AKAP13: variants seen among roughly 807,000 people sequenced by gnomAD.
AKAP13 encodes the protein A-kinase anchor protein 13.
A neutral mutation model predicts 264.5 loss-of-function variants in AKAP13; 80 were observed. The ratio of observed to expected loss-of-function variants is 0.30; its 90% CI spans 0.25 to 0.36. The LOEUF (loss-of-function observed/expected upper bound fraction) is 0.36. Ranked by LOEUF, AKAP13 falls within the 10% of genes least tolerant of loss-of-function variation. The pLI, the probability that AKAP13 is intolerant of heterozygous loss-of-function variation, is 1.00. For missense variants in AKAP13, 3,712 were observed against 3,435.2 expected (o/e 1.08, Z -2.01); for synonymous variants, 1,380 against 1,250.2 (o/e 1.10, Z -2.19).
chr15:85,701,786 A>C, intron 17 of AKAP13, among the ~76,000 whole-genome samples: 1 of 147,626 alleles, frequency 6.8e-6, no homozygotes, highest in East Asian at 2.0e-4. Context: ...GCAAAAAGGA[A>C]TAGTTTAAGT....
In AKAP13 at chr15:85,581,300, A is replaced by G; in HGVS notation, c.3232A>G (p.Thr1078Ala). ...GAAGAACACTCAATCCCAGGGAAAA[A>G]CTAGTGCCTGTGAGGTGAGTGGAGA... is the stretch of plus-strand genomic sequence containing the variant. ...GVKNTQSQGK[T>A]SACEVSGDVT... Residue 1078 changes from threonine (T) to alanine (A), a missense_variant, in exon 7 of 37, where the codon ACT (threonine) becomes GCT (alanine). Physicochemically the swap from Thr to Ala is moderately conservative, Grantham distance 58 (BLOSUM62 0). Coordinates refer to ENST00000394518, the MANE Select transcript of AKAP13 (RefSeq NM_007200.5). 1 of 1,614,162 alleles carries G rather than the reference A, an allele frequency of 6.2e-7. No homozygotes were observed. The highest frequency in any genetic ancestry group is 8.5e-7 in the Non-Finnish European group (1 of 1,180,020).
chr15:85,638,055 A>T (rs1202074529), intron 8 of AKAP13, among the ~76,000 whole-genome samples: 1 of 147,326 alleles, frequency 6.8e-6, no homozygotes, highest in Admixed American at 6.8e-5. Context: ...ATTTTTTTGT[A>T]TTTTTTTTTT....
In AKAP13 at chr15:85,553,607, TA is replaced by T. The variant is rs200643028; in HGVS notation, c.662+9653del. ...TTATTGTACCATTTTATTCTTATAG[TA>T]CATATTTTATGCTTTAACTGGCCAA... On this transcript the variant is annotated intron_variant, in intron 5 of 36. Transcript: ENST00000394518. Among the ~76,000 whole-genome samples the T allele has an allele frequency of 4.8e-3, 729 of 152,338 alleles. 14 individuals carry two copies. Among genetic ancestry groups the T allele is most frequent in the Admixed American group, 0.01 (158 of 15,306 alleles).
intron 12 of AKAP13, chr15:85,662,574 T>C (rs989035181): frequency 1.8e-6 from 2 of 1,089,764 alleles, no homozygotes; most frequent in Non-Finnish European, 2.8e-6. Context: ...GCTTTGTCTG[T>C]GAGCACAGCA....
At chr15:85,582,224 G>A (rs1330406300) in intron 7 of AKAP13, 117 bp downstream of exon 7, 24 of 1,164,728 alleles carry the variant, frequency 2.1e-5, no homozygotes, top group Non-Finnish European at 2.3e-5. Context: ...GCACTCATTG[G>A]GTAGGTAGCC....
At chr15:85,389,675 C>T (rs1411688106) in intron 1 of AKAP13, 3 of 152,180 alleles carry the variant, frequency 2.0e-5, no homozygotes, top group East Asian at 1.9e-4. Context: ...TCAGCCATTG[C>T]TTTGTGGGAA....
chr15:85,559,180 C>T (rs2078262647), intron 5 of AKAP13, among the ~76,000 whole-genome samples: 1 of 152,146 alleles, frequency 6.6e-6, no homozygotes, highest in Admixed American at 6.5e-5. Flanking sequence ...TTCTCAGCCT[C>T]ACTAAGTGGC....
chr15:85,636,585 TTTA>T lies in AKAP13; in HGVS notation c.4162-2787_4162-2785del, dbSNP rs368057481. ...TTCTGTTCCTAGTGTTCTGAGAGTT[TTTA>T]TCATGAATAGATGTTGAATTTTGCT... On this transcript the variant is annotated intron_variant, in intron 8 of 36. Coordinates refer to ENST00000394518, the MANE Select transcript of AKAP13 (RefSeq NM_007200.5). Among the ~76,000 whole-genome samples, 88 of 152,024 alleles carry T rather than the reference TTTA, an allele frequency of 5.8e-4. 2 individuals carry two copies. In the East Asian group the frequency reaches 9.3e-3, roughly 16 times the overall value.
Position 85,454,161 on chromosome 15 carries a change from C to G in AKAP13, c.-11-31549C>G, listed in dbSNP as rs117672058. 4.5e-4 allele frequency among the ~76,000 whole-genome samples: 68 copies of G among 152,226 alleles called. 1 individual carries two copies. In the East Asian group the frequency reaches 0.01, roughly 23 times the overall value. On this transcript the variant is annotated intron_variant, in intron 1 of 36. Transcript: ENST00000394518. ...TCAGTCCCCTGGATTCAGCCTCTTT[C>G]CTAGGGGTATTTACAGGAGTCTAAC...
At chr15:85,510,028 C>T (rs2151117860) in intron 2 of AKAP13, among the ~76,000 whole-genome samples, 2 of 152,344 alleles carry the variant, frequency 1.3e-5, no homozygotes, top group South Asian at 2.1e-4. Context: ...GGAGGCCTCC[C>T]TGCCCTGCGT....
rs746701868 is a variant in AKAP13, at chr15:85,563,326, C to CCTGTTTTTTTTTTTTTTTTTTTTTT, written c.663-11805_663-11804insCTGTTTTTTTTTTTTTTTTTTTTTT. On this transcript the variant is annotated intron_variant, in intron 5 of 36. Coordinates refer to ENST00000394518, the MANE Select transcript of AKAP13 (RefSeq NM_007200.5). ...TTGTCCTTCATTTGAGTAGAATGTG[C>CCTGTTTTTTTTTTTTTTTTTTTTTT]TTGTTTTTTTTTTTTTTTTTTTTTT... Among the ~76,000 whole-genome samples, 2 of 83,320 alleles carry CCTGTTTTTTTTTTTTTTTTTTTTTT rather than the reference C, an allele frequency of 2.4e-5. 1 individual carries two copies. 54.7% of individuals were successfully genotyped at this position (83,320 alleles called of 152,430 possible).
At chr15:85,632,104 G>T (rs1000433115) in intron 8 of AKAP13, among the ~76,000 whole-genome samples, 1 of 152,032 alleles carries the variant, frequency 6.6e-6, no homozygotes, top group Non-Finnish European at 1.5e-5. Context: ...AAATTGTTCC[G>T]TACTTGCAAG....
chr15:85,385,630 C>T (rs535545774), intron 1 of AKAP13, among the ~76,000 whole-genome samples: 19 of 152,204 alleles, frequency 1.2e-4, no homozygotes, highest in African/African-American at 7.2e-5. Flanking sequence ...TGGAATCACA[C>T]GGAATGTAGC....
rs144341510 is a variant in AKAP13 at position 85,541,786 on chromosome 15, T to C, written c.479-1986T>C. ...TAGCCCAGTGCATGGTGCATAGCAC[T>C]ACATTGTTTTCTCCTAATCTGTTAT... On this transcript the variant is annotated intron_variant, in intron 4 of 36. Transcript: ENST00000394518. 1.3e-3 allele frequency among the ~76,000 whole-genome samples: 203 copies of C among 152,356 alleles called. 4 individuals carry two copies. The East Asian group carries it at 0.035, about 26-fold the overall frequency.
At chr15:85,495,771 G>A (rs1487269435) in intron 2 of AKAP13, among the ~76,000 whole-genome samples, 2 of 152,092 alleles carry the variant, frequency 1.3e-5, no homozygotes, top group African/African-American at 4.8e-5. Context: ...AACAGATCTG[G>A]TTGATTATGT....
chr15:85,578,038 T>G (rs900716711), intron 6 of AKAP13, among the ~76,000 whole-genome samples: 1 of 152,218 alleles, frequency 6.6e-6, no homozygotes, highest in Non-Finnish European at 1.5e-5. Context: ...ATCCCAGCAC[T>G]TTGGGAGACC....
chr15:85,624,407 G>C (rs1048719970), intron 8 of AKAP13: 1 of 152,226 alleles, frequency 6.6e-6, no homozygotes, highest in South Asian at 2.1e-4. Context: ...AGGAGGAATA[G>C]TCTGTCTCTA....
At chr15:85,705,793 T>TACAAAGTATTATACATA (rs2086208279) in intron 17 of AKAP13, among the ~76,000 whole-genome samples, 1 of 152,112 alleles carries the variant, frequency 6.6e-6, no homozygotes, top group African/African-American at 2.4e-5. Context: ...TTTGTTTCCC[T>TACAAAGTATTATACATA]GCCCCATGCA....
chr15:85,701,365 A>G (rs1356126892), intron 17 of AKAP13: 1 of 152,210 alleles, frequency 6.6e-6, no homozygotes, highest in Non-Finnish European at 1.5e-5. Context: ...GATCTAATCA[A>G]ATATCAGAGA....
Sources: gnomAD v4.1 joint callset for allele counts (sites outside exome capture counted in the v4.1 genomes callset) on GRCh38, gnomAD v4.1.1 for gene constraint, MANE v1.5 for transcripts, NCBI Gene and HGNC (gene_info 2026-07-23, HGNC 2026-07-21) for gene names.